Variants in CHST9 observed in about 807,000 individuals in gnomAD.
The protein encoded by CHST9 is carbohydrate sulfotransferase 9, also known as GalNAc-4-sulfotransferase 2.
In CHST9, 41 loss-of-function variants were observed where a neutral mutation model predicts 44.4. The ratio of observed to expected loss-of-function variants is 0.92; its 90% CI spans 0.72 to 1.20. The LOEUF (loss-of-function observed/expected upper bound fraction) is 1.20, where lower values mean the gene tolerates loss of function less well. Among genes scored for constraint, CHST9 ranks in the 50% most tolerant of loss-of-function variants. The pLI is 0.00. For synonymous variants in CHST9, 171 were observed against 178.4 expected (o/e 0.96, Z 0.33); for missense variants, 504 against 516.5 (o/e 0.98, Z 0.23).
At chr18:27,166,635 C>A (rs9965760) in intron 1 of CHST9, among the ~76,000 whole-genome samples, 1 of 152,158 alleles carries the variant, frequency 6.6e-6, no homozygotes, top group African/African-American at 2.4e-5. Context: ...TCTAGACAGT[C>A]TCTTCAGTTC....
At chr18:26,973,196 T>C (rs2056574654) in intron 4 of CHST9, among the ~76,000 whole-genome samples, 1 of 152,188 alleles carries the variant, frequency 6.6e-6, no homozygotes, top group Admixed American at 6.5e-5. Flanking sequence ...TGCAGTCCTA[T>C]AGTTTACCTA....
chr18:27,052,254 G>GTA (rs1012207190), intron 2 of CHST9, among the ~76,000 whole-genome samples: 7 of 148,266 alleles, frequency 4.7e-5, no homozygotes, highest in East Asian at 2.0e-4. Context: ...AGGTGTGTGT[G>GTA]TATATATATA....
chr18:26,993,424 ACT>A (rs2056848474), intron 4 of CHST9, among the ~76,000 whole-genome samples: 1 of 152,224 alleles, frequency 6.6e-6, no homozygotes, highest in Non-Finnish European at 1.5e-5. Flanking sequence ...AATGTTGATG[ACT>A]GTCTCATAAA....
At chr18:26,923,062 A>G (rs1358802138) in intron 5 of CHST9, among the ~76,000 whole-genome samples, 1 of 152,254 alleles carries the variant, frequency 6.6e-6, no homozygotes, top group Non-Finnish European at 1.5e-5. Flanking sequence ...CCTCCTATAC[A>G]TCAGGTTCTG....
At chr18:26,979,264 G>A (rs1305248620) in intron 4 of CHST9, among the ~76,000 whole-genome samples, 3 of 152,006 alleles carry the variant, frequency 2.0e-5, no homozygotes, top group African/African-American at 7.2e-5. Flanking sequence ...TAGAATATTT[G>A]GGGGAGGCCA....
rs1357499209 is a variant in CHST9 at position 26,991,971 on chromosome 18, A to C, written c.202+32145T>G. ...AGTTGTTGTGAGGGAAAGTAGGGTT[A>C]GAAGAGAATATTGAGGATGGGAGGA... On this transcript the variant is annotated intron_variant, in intron 4 of 5. Transcript: ENST00000618847. Among the ~76,000 whole-genome samples, 3 of 128,306 alleles carry C rather than the reference A, an allele frequency of 2.3e-5. 1 individual carries two copies. The highest frequency in any genetic ancestry group is 7.9e-5 in the African/African-American group (3 of 38,024). 84.2% of individuals were successfully genotyped at this position (128,306 alleles called of 152,430 possible).
intron 4 of CHST9, among the ~76,000 whole-genome samples, chr18:26,995,007 T>C (rs1054375166): frequency 6.6e-6 from 1 of 152,080 alleles, no homozygotes; most frequent in South Asian, 2.1e-4. Context: ...CTTTGAGTGC[T>C]CACTTCTGGG....
chr18:26,947,658 C>G (rs568832396), intron 4 of CHST9, among the ~76,000 whole-genome samples: 3 of 152,176 alleles, frequency 2.0e-5, no homozygotes, highest in African/African-American at 7.2e-5. Context: ...AGCTCATCAT[C>G]ACTGGTCATT....
At chr18:27,155,086 TAAA>T (rs145704285) in intron 1 of CHST9, among the ~76,000 whole-genome samples, 1,424 of 108,730 alleles carry the variant, frequency 0.013, 19 homozygotes, top group African/African-American at 0.039. Flanking sequence ...TTTCAAAAGT[TAAA>T]AAAAAAAAAA....
intron 1 of CHST9, among the ~76,000 whole-genome samples, chr18:27,151,004 A>G (rs2058655070): frequency 6.6e-6 from 1 of 152,140 alleles, no homozygotes; most frequent in South Asian, 2.1e-4. Flanking sequence ...GTTTAATGAT[A>G]TTTAGTCAAT....
chr18:27,067,094 G>A (rs555621303), intron 2 of CHST9, among the ~76,000 whole-genome samples: 1 of 152,064 alleles, frequency 6.6e-6, no homozygotes, highest in East Asian at 1.9e-4. Context: ...AAATGGTATG[G>A]TACCATTTAT....
At position 27,015,331 on chromosome 18, in the gene CHST9, G is replaced by C. The variant is rs2057139660; in HGVS notation, c.202+8785C>G. 2.4e-5 allele frequency among the ~76,000 whole-genome samples: 3 copies of C among 123,518 alleles called. No homozygotes were observed. The Admixed American group carries it at 2.8e-4, about 12-fold the overall frequency. The allele number at this position is 123,518 out of a possible 152,430, so 81.0% of individuals were successfully genotyped here. ...GATCACCAGAGAGGCAGTTGTGTGT[G>C]TGTGTGTGTGTGTGTGTGTGTGTGT... On this transcript the variant is annotated intron_variant, in intron 4 of 5. Coordinates refer to ENST00000618847, the MANE Select transcript of CHST9 (RefSeq NM_031422.6).
chr18:27,168,971 C>T (rs146012393), intron 1 of CHST9, among the ~76,000 whole-genome samples: 1 of 152,286 alleles, frequency 6.6e-6, no homozygotes, highest in African/African-American at 2.4e-5. Flanking sequence ...CAAAAAACTA[C>T]ATCTTGAACT....
chr18:27,180,331 T>C (rs919816518), intron 1 of CHST9, among the ~76,000 whole-genome samples: 1 of 152,198 alleles, frequency 6.6e-6, no homozygotes, highest in Admixed American at 6.5e-5. Context: ...TTTTATTTTA[T>C]TAGTTTTTAA....
At chr18:26,994,683 G>A (rs2056864435) in intron 4 of CHST9, among the ~76,000 whole-genome samples, 1 of 152,006 alleles carries the variant, frequency 6.6e-6, no homozygotes, top group Non-Finnish European at 1.5e-5. Flanking sequence ...TCTGCCTCCT[G>A]GGTTCAAGTG....
intron 1 of CHST9, among the ~76,000 whole-genome samples, chr18:27,166,373 C>T (rs1426186895): frequency 2.6e-5 from 4 of 152,170 alleles, no homozygotes; most frequent in Admixed American, 6.5e-5. Context: ...CTCTACTCTC[C>T]AGCAAAACTA....
At chr18:26,994,995 CTCTT>C (rs1433197536) in intron 4 of CHST9, among the ~76,000 whole-genome samples, 3 of 152,248 alleles carry the variant, frequency 2.0e-5, no homozygotes, top group East Asian at 3.9e-4. Context: ...GGGTGCCTCT[CTCTT>C]TGAGTGCTCA....
chr18:27,119,760 T>C (rs1335386155), intron 2 of CHST9, among the ~76,000 whole-genome samples: 1 of 152,098 alleles, frequency 6.6e-6, no homozygotes, highest in African/African-American at 2.4e-5. Flanking sequence ...TAGAGTGATG[T>C]TTCCTTAAGC....
intron 2 of CHST9, among the ~76,000 whole-genome samples, chr18:27,066,148 G>C (rs1026207042): frequency 2.6e-5 from 4 of 152,226 alleles, no homozygotes; most frequent in African/African-American, 9.6e-5. Context: ...GGGCAACAAA[G>C]TCAAAAGGAG....
Sources: gnomAD v4.1 joint callset for allele counts (sites outside exome capture counted in the v4.1 genomes callset) on GRCh38, gnomAD v4.1.1 for gene constraint, MANE v1.5 for transcripts, NCBI Gene and HGNC (gene_info 2026-07-23, HGNC 2026-07-21) for gene names.